THSD7B: variants seen among roughly 807,000 people sequenced by gnomAD.
THSD7B encodes the protein thrombospondin type-1 domain-containing protein 7B.
THSD7B carries 138 observed loss-of-function variants against 213.6 expected under a neutral mutation model. The ratio of observed to expected loss-of-function variants is 0.65; its 90% CI spans 0.56 to 0.74. The LOEUF (loss-of-function observed/expected upper bound fraction) is 0.74. Ranked by LOEUF, THSD7B falls within the 30% of genes least tolerant of loss-of-function variation. THSD7B has a pLI of 0.00. For synonymous variants in THSD7B, 742 were observed against 687.0 expected (o/e 1.08, Z -1.25); for missense variants, 1,931 against 1,991.5 (o/e 0.97, Z 0.58).
chr2:136,812,101 C>T (rs1682385417), intron 1 of THSD7B, among the ~76,000 whole-genome samples: 1 of 152,150 alleles, frequency 6.6e-6, no homozygotes, highest in Non-Finnish European at 1.5e-5. Flanking sequence ...TTCTTAGGAT[C>T]TTGTGAATTA....
At chr2:137,085,595 AAC>A (rs1687823193) in intron 3 of THSD7B, among the ~76,000 whole-genome samples, 1 of 152,112 alleles carries the variant, frequency 6.6e-6, no homozygotes, top group Admixed American at 6.6e-5. Flanking sequence ...AAAGAAAGAA[AAC>A]ACAGAAAATA....
At chr2:137,032,660 A>G (rs1370350433) in intron 2 of THSD7B, among the ~76,000 whole-genome samples, 1 of 152,218 alleles carries the variant, frequency 6.6e-6, no homozygotes, top group African/African-American at 2.4e-5. Flanking sequence ...AAATCCTGAT[A>G]ATGATAAACC....
intron 2 of THSD7B, among the ~76,000 whole-genome samples, chr2:137,021,481 A>C (rs1311993963): frequency 1.3e-5 from 2 of 152,188 alleles, no homozygotes; most frequent in Non-Finnish European, 2.9e-5. Flanking sequence ...TATTTGATTC[A>C]GTTACTGAAA....
At chr2:137,240,277 A>C (rs1189774104) in intron 9 of THSD7B, among the ~76,000 whole-genome samples, 9 of 152,206 alleles carry the variant, frequency 5.9e-5, no homozygotes, top group Admixed American at 5.9e-4. Flanking sequence ...ATTTTATCCC[A>C]AAACAAAATT....
intron 20 of THSD7B, among the ~76,000 whole-genome samples, chr2:137,626,333 G>T (rs1415331178): frequency 6.6e-6 from 1 of 151,990 alleles, no homozygotes; most frequent in Non-Finnish European, 1.5e-5. Flanking sequence ...GTGCCGTGGC[G>T]GGCGCCTGTA....
At chr2:136,854,955 A>T (rs1168269041) in intron 1 of THSD7B, among the ~76,000 whole-genome samples, 1 of 152,124 alleles carries the variant, frequency 6.6e-6, no homozygotes, top group Non-Finnish European at 1.5e-5. Flanking sequence ...TCTCTTTAAA[A>T]TATAAGAAGC....
intron 15 of THSD7B, among the ~76,000 whole-genome samples, chr2:137,519,101 G>T (rs1046934075): frequency 2.0e-5 from 3 of 152,010 alleles, no homozygotes; most frequent in African/African-American, 7.3e-5. Context: ...ACAAGAATTA[G>T]CCGGGAGTGG....
intron 1 of THSD7B, among the ~76,000 whole-genome samples, chr2:136,767,700 C>G (rs538083413): frequency 6.6e-6 from 1 of 152,170 alleles, no homozygotes; most frequent in Admixed American, 6.5e-5. Context: ...ATCCAGCAGC[C>G]CTGAACACCT....
chr2:137,543,610 A>G (rs879617306), intron 15 of THSD7B, among the ~76,000 whole-genome samples: 1 of 151,902 alleles, frequency 6.6e-6, no homozygotes, highest in African/African-American at 2.4e-5. Context: ...GAGAAAAGAG[A>G]TAAATTGGAC....
At chr2:137,245,578 C>T (rs1682010747) in intron 10 of THSD7B, among the ~76,000 whole-genome samples, 1 of 152,168 alleles carries the variant, frequency 6.6e-6, no homozygotes, top group Non-Finnish European at 1.5e-5. Context: ...TATCCCACAG[C>T]ATCCTATTCA....
chr2:137,240,965 C>A (rs575752339), intron 9 of THSD7B, among the ~76,000 whole-genome samples: 1 of 152,076 alleles, frequency 6.6e-6, no homozygotes, highest in African/African-American at 2.4e-5. Context: ...TTCCATTTTT[C>A]TCTATTCTCT....
chr2:137,210,391 A>G (rs1229256802), intron 7 of THSD7B, among the ~76,000 whole-genome samples: 3 of 152,102 alleles, frequency 2.0e-5, no homozygotes, highest in Non-Finnish European at 4.4e-5. Context: ...TAATTGGTTC[A>G]GAGATATATG....
intron 12 of THSD7B, among the ~76,000 whole-genome samples, chr2:137,287,667 A>T (rs564006984): frequency 1.8e-4 from 28 of 152,294 alleles, no homozygotes; most frequent in African/African-American, 6.7e-4. Context: ...CATTTTTAAC[A>T]TAATAAGCTA....
At chr2:137,015,110 T>C (rs1056952956) in intron 2 of THSD7B, among the ~76,000 whole-genome samples, 3 of 152,166 alleles carry the variant, frequency 2.0e-5, no homozygotes, top group Non-Finnish European at 2.9e-5. Context: ...TCTGTTTTCT[T>C]TATTAAACTA....
intron 7 of THSD7B, among the ~76,000 whole-genome samples, chr2:137,213,163 T>A (rs1016859649): frequency 6.6e-6 from 1 of 151,524 alleles, no homozygotes; most frequent in African/African-American, 2.4e-5. Context: ...CACACAACCA[T>A]GTACCCTTTG....
At chr2:137,112,870 T>G (rs1468715232) in intron 4 of THSD7B, among the ~76,000 whole-genome samples, 2 of 151,972 alleles carry the variant, frequency 1.3e-5, no homozygotes, top group Non-Finnish European at 2.9e-5. Flanking sequence ...TATTGAATAT[T>G]TATTATATGT....
At chr2:137,619,102 C>A (rs1252205587) in intron 19 of THSD7B, among the ~76,000 whole-genome samples, 2 of 152,148 alleles carry the variant, frequency 1.3e-5, no homozygotes, top group African/African-American at 4.8e-5. Flanking sequence ...TATAGTCAGA[C>A]CTTTTCCAAA....
Position 137,151,544 on chromosome 2 carries a change from A to G in THSD7B, c.1370-8669A>G, listed in dbSNP as rs551173756. On this transcript the variant is annotated intron_variant, in intron 5 of 27. Transcript: ENST00000409968. ...AAAAGTATAAAAAAAAAAAACAGCAACAAAAAGACAATGCCTTCTTCTGGA... is the reference window on the plus strand; with the variant it reads ...AAAAGTATAAAAAAAAAAAACAGCAGCAAAAAGACAATGCCTTCTTCTGGA... Among the ~76,000 whole-genome samples the G allele has an allele frequency of 2.6e-5, 4 of 151,970 alleles. No homozygotes were observed. In the South Asian group the frequency reaches 8.3e-4, roughly 32 times the overall value.
chr2:137,070,606 C>T (rs1333917713), intron 3 of THSD7B, among the ~76,000 whole-genome samples: 3 of 151,354 alleles, frequency 2.0e-5, no homozygotes, highest in African/African-American at 7.3e-5. Context: ...TACATGTGCA[C>T]AACGTGCAGG....
Sources: allele counts gnomAD v4.1 joint callset (sites outside exome capture counted in the v4.1 genomes callset), GRCh38; gene constraint gnomAD v4.1.1; transcripts MANE v1.5; gene names NCBI Gene and HGNC (gene_info 2026-07-23, HGNC 2026-07-21).